The following CCDC141 variants were observed in gnomAD, a reference collection of about 807,000 sequenced individuals.
CCDC141 encodes the protein coiled-coil domain containing 141, also known as coiled-coil domain-containing protein 141.
CCDC141 carries 168 observed loss-of-function variants against 181.0 expected under a neutral mutation model. The ratio of observed to expected loss-of-function variants is 0.93; its 90% CI spans 0.82 to 1.05. The LOEUF is 1.05. Ranked by LOEUF, CCDC141 falls within the 50% of genes least tolerant of loss-of-function variation. The probability of loss-of-function intolerance (pLI) is 0.00; values close to 1 mark genes in which losing one functional copy is unlikely to be tolerated. For synonymous variants in CCDC141, 666 were observed against 642.3 expected (o/e 1.04, Z -0.56); for missense variants, 1,902 against 1,788.5 (o/e 1.06, Z -1.14).
chr2:178,929,114 G>T (rs1689008679), intron 6 of CCDC141, among the ~76,000 whole-genome samples: 1 of 152,070 alleles, frequency 6.6e-6, no homozygotes, highest in Non-Finnish European at 1.5e-5. Context: ...TTTAATTTCT[G>T]CCTTGAGACA....
At chr2:179,040,743 C>T (rs772329788) in intron 2 of CCDC141, among the ~76,000 whole-genome samples, 50 of 152,314 alleles carry the variant, frequency 3.3e-4, no homozygotes, top group Non-Finnish European at 6.0e-4. Flanking sequence ...CATCATATTC[C>T]ATGTTATATA....
chr2:178,825,129 T>C (rs7561149), downstream of CCDC141, among the ~76,000 whole-genome samples: 49,636 of 152,170 alleles, frequency 0.33, 9,229 homozygotes, highest in Non-Finnish European at 0.42. Flanking sequence ...TAACTAAAAG[T>C]GCCAAAATAG....
At chr2:178,852,245 G>A (rs1297845784) in intron 20 of CCDC141, among the ~76,000 whole-genome samples, 1 of 152,162 alleles carries the variant, frequency 6.6e-6, no homozygotes, top group African/African-American at 2.4e-5. Context: ...TAACTTTTTA[G>A]GGTCTTTGTC....
At chr2:178,987,163 G>C (rs1042749113) in intron 2 of CCDC141, among the ~76,000 whole-genome samples, 1 of 122,298 alleles carries the variant, frequency 8.2e-6, no homozygotes, top group African/African-American at 3.0e-5. Context: ...AAATAATGCC[G>C]CATATCTACA....
At chr2:179,020,356 A>G (rs2042660062) in intron 2 of CCDC141, among the ~76,000 whole-genome samples, 1 of 152,152 alleles carries the variant, frequency 6.6e-6, no homozygotes, top group Non-Finnish European at 1.5e-5. Context: ...ACGCAGGGGA[A>G]CTAAGGATCT....
intron 4 of CCDC141, among the ~76,000 whole-genome samples, chr2:178,961,694 TGCTAAC>T (rs1690409739): frequency 6.6e-6 from 1 of 152,224 alleles, no homozygotes; most frequent in African/African-American, 2.4e-5. Flanking sequence ...ATTGTGATAG[TGCTAAC>T]TGCCAACTGA....
chr2:178,881,929 A>T lies in CCDC141; in HGVS notation c.1719+2972T>A, dbSNP rs1012861659. ...CTCTCTCTCTCTCACACACACACAC[A>T]CACACACACACACACACACACACAC... On this transcript the variant is annotated intron_variant, in intron 11 of 23. Transcript: ENST00000443758. 6.5e-3 allele frequency among the ~76,000 whole-genome samples: 960 copies of T among 148,550 alleles called. 10 individuals carry two copies. Among genetic ancestry groups the T allele is most frequent in the African/African-American group, 0.022 (875 of 40,044 alleles).
In CCDC141 at chr2:178,845,850, A is replaced by G. The variant is rs1276699726; in HGVS notation, c.3358-108T>C. The G allele has an allele frequency of 8.2e-6, 6 of 734,896 alleles. No homozygotes were observed. The East Asian group carries it at 1.3e-4, about 16-fold the overall frequency. The allele number at this position is 734,896 out of a possible 1,614,324, so 45.5% of individuals were successfully genotyped here. ...TAGACCACTTGCAACCTTTCAGCAA[A>G]TATATTCCACAAGAGACTGGTGTAC... On this transcript the variant is annotated intron_variant, in intron 21 of 23. Transcript: ENST00000443758.
chr2:178,963,352 T>C (rs1690487776), intron 4 of CCDC141, among the ~76,000 whole-genome samples: 1 of 152,058 alleles, frequency 6.6e-6, no homozygotes, highest in African/African-American at 2.4e-5. Flanking sequence ...AGACATTTGT[T>C]ATTAGAAGAA....
intron 11 of CCDC141, among the ~76,000 whole-genome samples, chr2:178,884,659 G>A (rs548490849): frequency 1.3e-5 from 2 of 152,238 alleles, no homozygotes; most frequent in African/African-American, 4.8e-5. Flanking sequence ...ACAGGTCACA[G>A]GTGCTCCTGG....
At chr2:178,936,993 G>T (rs111814541) in intron 6 of CCDC141, among the ~76,000 whole-genome samples, 1 of 152,062 alleles carries the variant, frequency 6.6e-6, no homozygotes, top group South Asian at 2.1e-4. Context: ...GCTTTTGACC[G>T]AGACTATGGG....
At chr2:178,873,946 C>A (rs954981998) in intron 12 of CCDC141, 3 of 152,184 alleles carry the variant, frequency 2.0e-5, no homozygotes, top group African/African-American at 7.2e-5. Flanking sequence ...TTAGCACTTT[C>A]ATCAAGATGT....
chr2:178,873,412 A>G (rs940345102), intron 12 of CCDC141: 3 of 152,136 alleles, frequency 2.0e-5, no homozygotes, highest in African/African-American at 7.2e-5. Flanking sequence ...ATTATGAAAG[A>G]TATTAGACAA....
At chr2:179,017,303 A>G (rs187514812) in intron 2 of CCDC141, among the ~76,000 whole-genome samples, 199 of 152,260 alleles carry the variant, frequency 1.3e-3, no homozygotes, top group African/African-American at 4.5e-3. Flanking sequence ...ACACCATTCT[A>G]TTGTAAACTA....
intron 21 of CCDC141, among the ~76,000 whole-genome samples, chr2:178,849,204 A>T (rs1292477007): frequency 6.6e-6 from 1 of 152,208 alleles, no homozygotes; most frequent in African/African-American, 2.4e-5. Flanking sequence ...CAAGACCACC[A>T]CTAGGCCTCA....
chr2:178,990,242 G>A (rs1691984615), intron 2 of CCDC141, among the ~76,000 whole-genome samples: 1 of 138,444 alleles, frequency 7.2e-6, no homozygotes, highest in Non-Finnish European at 1.7e-5. Context: ...AATATAAAAT[G>A]GTACAGCTGC....
intron 2 of CCDC141, among the ~76,000 whole-genome samples, chr2:179,029,355 C>T (rs905336141): frequency 6.6e-6 from 1 of 152,114 alleles, no homozygotes; most frequent in African/African-American, 2.4e-5. Context: ...CATTGTGGGA[C>T]TTGGGCATAG....
At chr2:179,034,433 A>G (rs1189270719) in intron 2 of CCDC141, among the ~76,000 whole-genome samples, 2 of 152,190 alleles carry the variant, frequency 1.3e-5, no homozygotes, top group Non-Finnish European at 2.9e-5. Context: ...AATAATCTGT[A>G]CAACAAACCT....
At chr2:178,867,985 G>A in intron 16 of CCDC141, 41 bp downstream of exon 16, 1 of 1,521,038 alleles carries the variant, frequency 6.6e-7, no homozygotes, top group East Asian at 2.3e-5. Context: ...CCAAGCCCCA[G>A]CTAGAACTGA....
Sources: allele counts gnomAD v4.1 joint callset (sites outside exome capture counted in the v4.1 genomes callset), GRCh38; gene constraint gnomAD v4.1.1; transcripts MANE v1.5; gene names NCBI Gene and HGNC (gene_info 2026-07-23, HGNC 2026-07-21).